The following CADM2 variants were observed in gnomAD, a reference collection of about 807,000 sequenced individuals.
CADM2 encodes the protein cell adhesion molecule 2.
A neutral mutation model predicts 49.8 loss-of-function variants in CADM2; 12 were observed. That is an observed-to-expected ratio of 0.24 (90% CI 0.15 to 0.39). The LOEUF (loss-of-function observed/expected upper bound fraction) is 0.39. Among genes scored for constraint, CADM2 ranks in the 10% least tolerant of loss-of-function variants. The pLI is 1.00. For synonymous variants in CADM2, 214 were observed against 175.4 expected (o/e 1.22, Z -1.74); for missense variants, 378 against 492.3 (o/e 0.77, Z 2.20).
intron 1 of CADM2, among the ~76,000 whole-genome samples, chr3:85,466,765 C>A (rs767825804): frequency 6.6e-6 from 1 of 151,532 alleles, no homozygotes; most frequent in South Asian, 2.1e-4. Context: ...TATTACCTTG[C>A]TGTATTTTTT....
At chr3:85,867,908 A>T (rs1299132159) in intron 3 of CADM2, among the ~76,000 whole-genome samples, 3 of 151,940 alleles carry the variant, frequency 2.0e-5, no homozygotes, top group Non-Finnish European at 4.4e-5. Flanking sequence ...TTACTTTCAC[A>T]TTTTAAAATG....
chr3:85,009,909 A>T (rs1431492424), intron 1 of CADM2, among the ~76,000 whole-genome samples: 1 of 149,240 alleles, frequency 6.7e-6, no homozygotes, highest in African/African-American at 2.5e-5. Context: ...ATAAATAAAT[A>T]TTTTAAAAAA....
At chr3:85,869,304 A>G (rs73147142) in intron 3 of CADM2, among the ~76,000 whole-genome samples, 1 of 152,082 alleles carries the variant, frequency 6.6e-6, no homozygotes, top group South Asian at 2.1e-4. Flanking sequence ...ACTGAATTTA[A>G]ATATGGAATA....
chr3:85,059,950 T>C (rs1480728307), intron 1 of CADM2, among the ~76,000 whole-genome samples: 1 of 151,650 alleles, frequency 6.6e-6, no homozygotes, highest in Non-Finnish European at 1.5e-5. Context: ...ACCTGTTAAG[T>C]ATATAGTTAA....
chr3:85,580,969 C>A (rs2062777683), intron 1 of CADM2, among the ~76,000 whole-genome samples: 1 of 151,982 alleles, frequency 6.6e-6, no homozygotes, highest in Non-Finnish European at 1.5e-5. Context: ...TTTCTATATA[C>A]ACACATTTAA....
intron 1 of CADM2, among the ~76,000 whole-genome samples, chr3:85,322,976 T>C (rs2044655846): frequency 6.6e-6 from 1 of 152,190 alleles, no homozygotes; most frequent in Non-Finnish European, 1.5e-5. Flanking sequence ...ATTATTCTTT[T>C]ATTGTGGTGT....
chr3:85,245,262 C>T (rs1399610539), intron 1 of CADM2, among the ~76,000 whole-genome samples: 1 of 152,036 alleles, frequency 6.6e-6, no homozygotes, highest in East Asian at 1.9e-4. Context: ...CCTGTAATCC[C>T]AGCACTTTGG....
intron 3 of CADM2, among the ~76,000 whole-genome samples, chr3:85,804,560 T>G (rs1482347249): frequency 6.6e-6 from 1 of 152,134 alleles, no homozygotes; most frequent in Non-Finnish European, 1.5e-5. Context: ...TTTAAGGAGA[T>G]TTTTAAGAGT....
At chr3:84,998,866 C>CA (rs1239247797) in intron 1 of CADM2, among the ~76,000 whole-genome samples, 2 of 151,782 alleles carry the variant, frequency 1.3e-5, no homozygotes, top group South Asian at 2.1e-4. Flanking sequence ...GAAATGGATG[C>CA]AAAAAAATAT....
intron 1 of CADM2, among the ~76,000 whole-genome samples, chr3:85,330,284 G>A (rs1041110202): frequency 1.2e-4 from 18 of 152,108 alleles, no homozygotes; most frequent in African/African-American, 4.3e-4. Context: ...TGTTGAACTG[G>A]ATGAGTCGCT....
intron 1 of CADM2, among the ~76,000 whole-genome samples, chr3:85,201,638 T>C (rs188618746): frequency 1.3e-3 from 199 of 152,320 alleles, no homozygotes; most frequent in African/African-American, 4.7e-3. Flanking sequence ...CTTTAGAAAC[T>C]GGAGTCAATC....
rs1372336761 is a variant in CADM2, at chr3:85,883,331, G to T, written c.279G>T (p.Trp93Cys). ...DNRIELVRAS[W>C]HELSISVSDV... is the part of the protein sequence containing the mutation. ...GGATCGAGCTGGTTCGCGCTTCCTG[G>T]CATGAATTGAGTATTAGTGTCAGTG... The change falls in exon 4 of 10, where the codon TGG becomes TGT. Residue 93 changes from tryptophan (W) to cysteine (C), a missense_variant. Transcript: ENST00000383699. The T allele has an allele frequency of 6.2e-7, 1 of 1,613,542 alleles. No homozygotes were observed. Among genetic ancestry groups the T allele is most frequent in the Non-Finnish European group, 8.5e-7 (1 of 1,179,726 alleles).
intron 1 of CADM2, among the ~76,000 whole-genome samples, chr3:85,247,792 G>A (rs1427225722): frequency 6.6e-6 from 1 of 152,066 alleles, no homozygotes; most frequent in South Asian, 2.1e-4. Flanking sequence ...AAAATGAATG[G>A]AAATGTATTC....
intron 1 of CADM2, among the ~76,000 whole-genome samples, chr3:84,964,130 T>C (rs755403424): frequency 4.6e-5 from 7 of 152,210 alleles, no homozygotes; most frequent in Admixed American, 1.3e-4. Flanking sequence ...AAGTATCAAC[T>C]GAGATGATCT....
chr3:85,714,316 T>C (rs182255114), intron 1 of CADM2, among the ~76,000 whole-genome samples: 47 of 152,340 alleles, frequency 3.1e-4, no homozygotes, highest in Non-Finnish European at 5.1e-4. Context: ...GATCAACACA[T>C]GGTCCTGAGT....
intron 8 of CADM2, among the ~76,000 whole-genome samples, chr3:85,987,151 T>G (rs2108686637): frequency 6.6e-6 from 1 of 152,172 alleles, no homozygotes; most frequent in Non-Finnish European, 1.5e-5. Context: ...GTTTGCTGCA[T>G]TTGGAAAATA....
At chr3:85,217,511 GA>G (rs2041956390) in intron 1 of CADM2, among the ~76,000 whole-genome samples, 1 of 151,854 alleles carries the variant, frequency 6.6e-6, no homozygotes, top group African/African-American at 2.4e-5. Context: ...AGTTGTTTTT[GA>G]AATTATTAAT....
intron 1 of CADM2, among the ~76,000 whole-genome samples, chr3:85,231,073 A>G (rs1000719051): frequency 1.3e-5 from 2 of 151,908 alleles, no homozygotes; most frequent in African/African-American, 4.8e-5. Flanking sequence ...CTTGGCCTGC[A>G]TATTGTCTGT....
intron 1 of CADM2, among the ~76,000 whole-genome samples, chr3:85,278,718 TTGTGTGTGTGTG>T (rs36208431): frequency 1.5e-3 from 218 of 144,516 alleles, no homozygotes; most frequent in Admixed American, 5.0e-3. Flanking sequence ...GCTGATGTTC[TTGTGTGTGTGTG>T]TGTGTGTGTG....
Sources: allele counts gnomAD v4.1 joint callset (sites outside exome capture counted in the v4.1 genomes callset), GRCh38; gene constraint gnomAD v4.1.1; transcripts MANE v1.5; gene names NCBI Gene and HGNC (gene_info 2026-07-23, HGNC 2026-07-21).